Variants in RAB38 observed in about 807,000 individuals in gnomAD.
The protein encoded by RAB38 is ras-related protein Rab-38.
A neutral mutation model predicts 18.4 loss-of-function variants in RAB38; 15 were observed. The observed-to-expected ratio is 0.82, with a 90% CI of 0.55 to 1.26. The LOEUF is 1.26. Ranked by LOEUF, RAB38 falls within the 50% of genes most tolerant of loss-of-function variation. The pLI, the probability that RAB38 is intolerant of heterozygous loss-of-function variation, is 0.00. For synonymous variants in RAB38, 101 were observed against 104.4 expected (o/e 0.97, Z 0.20); for missense variants, 294 against 267.4 (o/e 1.10, Z -0.69).
intron 2 of RAB38, among the ~76,000 whole-genome samples, chr11:88,142,132 CA>C (rs1442451485): frequency 1.3e-5 from 2 of 152,140 alleles, no homozygotes; most frequent in East Asian, 3.9e-4. Flanking sequence ...TCTAGGGTCA[CA>C]AGGAATTCTG....
At chr11:87,942,537 G>A in the RAB38 span, among the ~76,000 whole-genome samples, 1,056 of 152,240 alleles carry the variant, frequency 6.9e-3, 6 homozygotes, top group Non-Finnish European at 0.011. Flanking sequence ...TCAACATCAA[G>A]AGTTATTCCC....
chr11:88,173,599 C>T (rs1943337255), intron 1 of RAB38: 3 of 985,412 alleles, frequency 3.0e-6, no homozygotes, highest in Non-Finnish European at 3.6e-6. Flanking sequence ...GTCCAAATTA[C>T]AGCTACATCC....
At chr11:88,012,036 A>C in the RAB38 span, among the ~76,000 whole-genome samples, 1 of 152,138 alleles carries the variant, frequency 6.6e-6, no homozygotes, top group Non-Finnish European at 1.5e-5. Context: ...CATTCACCTG[A>C]GAGATGGGAC....
the RAB38 span, among the ~76,000 whole-genome samples, chr11:88,026,959 T>C: frequency 6.6e-6 from 1 of 152,214 alleles, no homozygotes; most frequent in Admixed American, 6.5e-5. Flanking sequence ...CATTTTTCAG[T>C]TCAATGTTTA....
At chr11:87,901,517 A>C in the RAB38 span, among the ~76,000 whole-genome samples, 1 of 151,688 alleles carries the variant, frequency 6.6e-6, no homozygotes, top group African/African-American at 2.4e-5. Context: ...ATAGCTCTAT[A>C]AACATCAGCC....
the RAB38 span, among the ~76,000 whole-genome samples, chr11:87,836,720 C>G: frequency 6.6e-6 from 1 of 152,162 alleles, no homozygotes; most frequent in African/African-American, 2.4e-5. Flanking sequence ...ATAGTTTACT[C>G]AGTTCTTGAC....
the RAB38 span, among the ~76,000 whole-genome samples, chr11:87,873,922 G>GTATGTATATA: frequency 9.7e-6 from 1 of 103,122 alleles, no homozygotes; most frequent in Non-Finnish European, 1.9e-5. Flanking sequence ...GTGTGTGTGT[G>GTATGTATATA]TATATATATA....
chr11:87,833,292 C>G, the RAB38 span, among the ~76,000 whole-genome samples: 2 of 152,150 alleles, frequency 1.3e-5, no homozygotes. Flanking sequence ...TAACAATAAC[C>G]TACTTGTAGT....
chr11:87,961,140 G>T, the RAB38 span, among the ~76,000 whole-genome samples: 1 of 152,078 alleles, frequency 6.6e-6, no homozygotes, highest in Admixed American at 6.6e-5. Context: ...AAAACCTAAT[G>T]GCACTTGTGG....
At chr11:88,034,340 A>G in the RAB38 span, among the ~76,000 whole-genome samples, 2 of 152,254 alleles carry the variant, frequency 1.3e-5, no homozygotes, top group Non-Finnish European at 2.9e-5. Context: ...TTGTGTGAGC[A>G]TAAGCTTTTA....
At chr11:88,160,316 A>C (rs1190064123) in intron 1 of RAB38, among the ~76,000 whole-genome samples, 3 of 152,098 alleles carry the variant, frequency 2.0e-5, no homozygotes, top group African/African-American at 2.4e-5. Flanking sequence ...TTTACTAAAA[A>C]GTCAAAAAAC....
the RAB38 span, among the ~76,000 whole-genome samples, chr11:88,016,176 T>C: frequency 9.9e-5 from 15 of 152,278 alleles, no homozygotes; most frequent in East Asian, 1.9e-3. Context: ...TCCAAACTTT[T>C]ATTGTCTAAA....
chr11:87,936,145 T>C, the RAB38 span, among the ~76,000 whole-genome samples: 4 of 152,094 alleles, frequency 2.6e-5, no homozygotes, highest in Admixed American at 6.6e-5. Context: ...AAAATATTCA[T>C]GAAGTCCAAA....
At chr11:88,038,655 A>G in the RAB38 span, among the ~76,000 whole-genome samples, 1 of 152,202 alleles carries the variant, frequency 6.6e-6, no homozygotes, top group Non-Finnish European at 1.5e-5. Context: ...CTCATTTGGT[A>G]ATCATTTTTT....
chr11:87,955,480 G>C, the RAB38 span, among the ~76,000 whole-genome samples: 18 of 152,162 alleles, frequency 1.2e-4, no homozygotes, highest in African/African-American at 4.3e-4. Context: ...TAACGAACCT[G>C]CACATGTACT....
At chr11:87,925,311 C>A in the RAB38 span, among the ~76,000 whole-genome samples, 2 of 152,024 alleles carry the variant, frequency 1.3e-5, no homozygotes, top group Non-Finnish European at 1.5e-5. Context: ...ATCACCTGCC[C>A]AATTAATGCT....
intron 1 of RAB38, among the ~76,000 whole-genome samples, chr11:88,163,357 G>C (rs780957760): frequency 1.3e-5 from 2 of 152,110 alleles, no homozygotes; most frequent in Non-Finnish European, 2.9e-5. Context: ...AAAAGGTGTA[G>C]GCTGAATAAA....
chr11:88,028,957 A>C, the RAB38 span, among the ~76,000 whole-genome samples: 1 of 152,178 alleles, frequency 6.6e-6, no homozygotes, highest in Admixed American at 6.5e-5. Flanking sequence ...ATGAAGGAAA[A>C]AATGTTAAGG....
chr11:87,936,528 T>G, the RAB38 span, among the ~76,000 whole-genome samples: 1 of 152,076 alleles, frequency 6.6e-6, no homozygotes, highest in Non-Finnish European at 1.5e-5. Flanking sequence ...CCTGACACAC[T>G]CCATCCATAC....
Sources: gnomAD v4.1 joint callset for allele counts (sites outside exome capture counted in the v4.1 genomes callset) on GRCh38, gnomAD v4.1.1 for gene constraint, MANE v1.5 for transcripts, NCBI Gene and HGNC (gene_info 2026-07-23, HGNC 2026-07-21) for gene names.